AGMO: variants seen among roughly 807,000 people sequenced by gnomAD.
AGMO encodes the protein glyceryl-ether monooxygenase.
AGMO carries 75 observed loss-of-function variants against 60.2 expected under a neutral mutation model. The ratio of observed to expected loss-of-function variants is 1.25; its 90% CI spans 1.03 to 1.51. The LOEUF (loss-of-function observed/expected upper bound fraction) is 1.51, where lower values mean the gene tolerates loss of function less well. Among genes scored for constraint, AGMO ranks in the 40% most tolerant of loss-of-function variants. The probability of loss-of-function intolerance (pLI) is 0.00; values close to 1 mark genes in which losing one functional copy is unlikely to be tolerated. For synonymous variants in AGMO, 261 were observed against 177.1 expected (o/e 1.47, Z -3.76); for missense variants, 763 against 525.5 (o/e 1.45, Z -4.42).
chr7:15,323,389 G>T lies in AGMO; in HGVS notation c.1263+42125C>A, dbSNP rs1441599793. ...AGTCAGACAAAGAAAAAAATAACCA[G>T]CATAGAGAGATCCCATCACCTTCCT... On this transcript the variant is annotated intron_variant, in intron 12 of 12. Coordinates refer to ENST00000342526, the MANE Select transcript of AGMO (RefSeq NM_001004320.2). 2.6e-5 allele frequency among the ~76,000 whole-genome samples: 4 copies of T among 152,066 alleles called. No homozygotes were observed. The South Asian group carries it at 6.2e-4, about 24-fold the overall frequency.
At chr7:15,214,341 G>T (rs1781675059) in intron 12 of AGMO, among the ~76,000 whole-genome samples, 1 of 151,958 alleles carries the variant, frequency 6.6e-6, no homozygotes, top group Non-Finnish European at 1.5e-5. Flanking sequence ...TAATTCTCAT[G>T]GCTAAGTAAA....
At chr7:15,150,626 A>T in the AGMO span, among the ~76,000 whole-genome samples, 1 of 152,080 alleles carries the variant, frequency 6.6e-6, no homozygotes, top group Non-Finnish European at 1.5e-5. Context: ...ATACATTGAA[A>T]CAACCTTGCA....
intron 5 of AGMO, among the ~76,000 whole-genome samples, chr7:15,395,506 CAT>C (rs1303006688): frequency 6.6e-6 from 1 of 151,940 alleles, no homozygotes; most frequent in Non-Finnish European, 1.5e-5. Context: ...GTTATAATAA[CAT>C]TGTCATTTTG....
rs1781537171 is a variant in AGMO at position 15,209,782 on chromosome 7, A to G, written c.1264-8423T>C. Among the ~76,000 whole-genome samples, 4 of 151,874 alleles carry G rather than the reference A, an allele frequency of 2.6e-5. No homozygotes were observed. The South Asian group carries it at 8.3e-4, about 31-fold the overall frequency. ...AGAAAGCCACAGCTGCTTTCCTGAG[A>G]GACACCTCAGATGCCTGAATTTTCC... On this transcript the variant is annotated intron_variant, in intron 12 of 12. Coordinates refer to ENST00000342526, the MANE Select transcript of AGMO (RefSeq NM_001004320.2).
intron 3 of AGMO, among the ~76,000 whole-genome samples, chr7:15,481,931 A>G (rs1221206486): frequency 6.6e-6 from 1 of 152,008 alleles, no homozygotes; most frequent in African/African-American, 2.4e-5. Context: ...AAGTGTTTAG[A>G]AATTAAGCAA....
chr7:15,561,956 G>A lies in AGMO; in HGVS notation c.-111C>T. The A allele has an allele frequency of 8.4e-7, 1 of 1,196,352 alleles. No homozygotes were observed. The highest frequency in any genetic ancestry group is 1.1e-6 in the Non-Finnish European group (1 of 876,988). The allele number at this position is 1,196,352 out of a possible 1,614,324, so 74.1% of individuals were successfully genotyped here. On this transcript the variant is annotated 5_prime_UTR_variant, in exon 1 of 13. Transcript: ENST00000342526. ...AGCTCAGAACAAGCTCTTTGTCAGA[G>A]AACAGCTAAAACCAAAGCTCCACTG...
chr7:15,494,449 T>C (rs929360606), intron 3 of AGMO, among the ~76,000 whole-genome samples: 3 of 152,196 alleles, frequency 2.0e-5, no homozygotes, highest in Admixed American at 2.0e-4. Context: ...GCAATTATAG[T>C]ATAAATACAT....
rs1271877725 is a variant in AGMO at position 15,313,817 on chromosome 7, A to AC, written c.1263+51696_1263+51697insG. Reference sequence around the variant, plus strand: ...TAAAATATTAATAACAATAACTAATAATAACATAGTACAATTATAGCAATG... The same window carrying AC: ...TAAAATATTAATAACAATAACTAATACATAACATAGTACAATTATAGCAATG... On this transcript the variant is annotated intron_variant, in intron 12 of 12. Transcript: ENST00000342526. 1.7e-4 allele frequency among the ~76,000 whole-genome samples: 26 copies of AC among 152,246 alleles called. No individual in the cohort carries two copies. The South Asian group carries it at 2.7e-3, about 16-fold the overall frequency.
intron 12 of AGMO, among the ~76,000 whole-genome samples, chr7:15,261,459 T>C (rs115876254): frequency 0.036 from 5,539 of 152,044 alleles, 327 homozygotes; most frequent in African/African-American, 0.13. Context: ...CAGGAAGATA[T>C]AGTATCTCTG....
intron 12 of AGMO, among the ~76,000 whole-genome samples, chr7:15,268,121 A>C (rs1372465028): frequency 6.6e-6 from 1 of 151,998 alleles, no homozygotes; most frequent in Non-Finnish European, 1.5e-5. Context: ...GTAATTGATA[A>C]CATGAATCAT....
At chr7:15,427,984 ACTTAATTTCACATTTCAATGTGAAATGAG>A (rs140778622) in intron 4 of AGMO, among the ~76,000 whole-genome samples, 2 of 146,768 alleles carry the variant, frequency 1.4e-5, no homozygotes, top group African/African-American at 2.5e-5. Context: ...GAAGAAATAT[ACTTAATTTCACATTTCAATGTGAAATGAG>A]CTTAATTTCA....
chr7:15,523,890 G>C (rs1008031159), intron 3 of AGMO, among the ~76,000 whole-genome samples: 3 of 152,040 alleles, frequency 2.0e-5, no homozygotes, highest in African/African-American at 7.2e-5. Context: ...CTTACTAAAT[G>C]GTTAACTACA....
intron 12 of AGMO, among the ~76,000 whole-genome samples, chr7:15,255,966 T>C (rs1783085697): frequency 6.6e-6 from 1 of 152,172 alleles, no homozygotes; most frequent in African/African-American, 2.4e-5. Context: ...GAAGAACAGA[T>C]ATCAGGGAGG....
At chr7:15,388,326 G>T (rs998269685) in intron 8 of AGMO, among the ~76,000 whole-genome samples, 1 of 151,872 alleles carries the variant, frequency 6.6e-6, no homozygotes, top group African/African-American at 2.4e-5. Context: ...AGCTCTAATT[G>T]GAAAAATTAA....
intron 10 of AGMO, among the ~76,000 whole-genome samples, chr7:15,382,518 G>T (rs1583484486): frequency 6.6e-6 from 1 of 152,158 alleles, no homozygotes; most frequent in Admixed American, 6.5e-5. Context: ...GTGTCTCCGT[G>T]TGTGTTTTCC....
At chr7:15,190,003 T>C in the AGMO span, among the ~76,000 whole-genome samples, 1 of 150,182 alleles carries the variant, frequency 6.7e-6, no homozygotes, top group Non-Finnish European at 1.5e-5. Flanking sequence ...GCTACCCATA[T>C]CCATATGTAC....
At chr7:15,407,006 T>C (rs558698117) in intron 5 of AGMO, among the ~76,000 whole-genome samples, 1 of 143,412 alleles carries the variant, frequency 7.0e-6, no homozygotes, top group South Asian at 2.2e-4. Context: ...ATATGGAATA[T>C]ACATATATAT....
At chr7:15,342,986 T>C (rs1781914132) in intron 12 of AGMO, among the ~76,000 whole-genome samples, 1 of 152,044 alleles carries the variant, frequency 6.6e-6, no homozygotes. Flanking sequence ...TAGTAGGTAC[T>C]AGTGTCATTC....
chr7:15,415,345 C>T (rs1026361202), intron 5 of AGMO, among the ~76,000 whole-genome samples: 1 of 151,954 alleles, frequency 6.6e-6, no homozygotes, highest in African/African-American at 2.4e-5. Context: ...GAGACCGAGA[C>T]CATTCTGGCC....
Sources: gnomAD v4.1 joint callset for allele counts (sites outside exome capture counted in the v4.1 genomes callset) on GRCh38, gnomAD v4.1.1 for gene constraint, MANE v1.5 for transcripts, NCBI Gene and HGNC (gene_info 2026-07-23, HGNC 2026-07-21) for gene names.